Variants in PCDH11Y observed in about 807,000 individuals in gnomAD.
PCDH11Y encodes the protein protocadherin-11 Y-linked.
For synonymous variants in PCDH11Y, 9 were observed against 83.6 expected, an observed-to-expected ratio of 0.11 and a Z score of 4.87; for missense variants, 12 against 224.8, an observed-to-expected ratio of 0.05 and a Z score of 6.05.
intron 3 of PCDH11Y, among the ~76,000 whole-genome samples, chrY:5,503,312 T>C: frequency 3.1e-5 from 1 of 32,665 alleles, no homozygotes; most frequent in African/African-American, 1.2e-4. Context: ...GCTCAATCGA[T>C]TTTATTTTAA....
intron 2 of PCDH11Y, among the ~76,000 whole-genome samples, chrY:5,356,601 G>C (rs1255257567): frequency 9.4e-5 from 3 of 32,076 alleles, no homozygotes; most frequent in Admixed American, 2.9e-4. Context: ...TTGTGGCCGG[G>C]GGTAGTGGCT....
At chrY:5,256,296 G>A (rs2124657508) in intron 2 of PCDH11Y, among the ~76,000 whole-genome samples, 2 of 32,521 alleles carry the variant, frequency 6.1e-5, no homozygotes, top group South Asian at 7.2e-4. Flanking sequence ...TTACTGAAGC[G>A]ACTGTCTTTG....
chrY:5,186,870 C>A, intron 2 of PCDH11Y, among the ~76,000 whole-genome samples: 1 of 32,186 alleles, frequency 3.1e-5, no homozygotes, highest in African/African-American at 1.2e-4. Context: ...TGAGACAAGG[C>A]AAGCCCCTTC....
chrY:5,688,791 C>T, intron 4 of PCDH11Y, among the ~76,000 whole-genome samples: 1 of 32,860 alleles, frequency 3.0e-5, no homozygotes, highest in Non-Finnish European at 7.5e-5. Context: ...AACATTATAC[C>T]ATGAGCTCTT....
At chrY:5,158,220 A>T in intron 2 of PCDH11Y, among the ~76,000 whole-genome samples, 1 of 30,245 alleles carries the variant, frequency 3.3e-5, no homozygotes, top group African/African-American at 1.3e-4. Flanking sequence ...GGAACCATCA[A>T]ATTGTTGTTG....
chrY:5,213,945 C>G, intron 2 of PCDH11Y, among the ~76,000 whole-genome samples: 1 of 32,070 alleles, frequency 3.1e-5, no homozygotes, highest in South Asian at 7.4e-4. Flanking sequence ...TGGTGAAACC[C>G]CGCCTCTGAC....
intron 2 of PCDH11Y, among the ~76,000 whole-genome samples, chrY:5,263,060 C>T (rs34119392): frequency 3.0e-5 from 1 of 33,770 alleles, no homozygotes; most frequent in South Asian, 6.6e-4. Context: ...TCAAGAATTG[C>T]GGTTTGGGAA....
At chrY:5,163,497 A>C (rs2052876468) in intron 2 of PCDH11Y, among the ~76,000 whole-genome samples, 4 of 33,037 alleles carry the variant, frequency 1.2e-4, no homozygotes, top group African/African-American at 4.7e-4. Flanking sequence ...GCCTAAACCT[A>C]ATACTGAAAT....
At chrY:5,101,764 ATT>A, downstream of PCDH11Y, among the ~76,000 whole-genome samples, 1 of 33,577 alleles carries the variant, frequency 3.0e-5, no homozygotes, top group Non-Finnish European at 7.4e-5. Context: ...TTAAAAAAGT[ATT>A]AATCTTAGTT....
intron 4 of PCDH11Y, among the ~76,000 whole-genome samples, chrY:5,629,354 T>C: frequency 3.0e-5 from 1 of 33,536 alleles, no homozygotes; most frequent in Non-Finnish European, 7.4e-5. Context: ...GAGGACAACA[T>C]TGAAATGTAA....
At chrY:5,048,750 GT>G (rs2052646680) in intron 3 of PCDH11Y, among the ~76,000 whole-genome samples, 1 of 32,538 alleles carries the variant, frequency 3.1e-5, no homozygotes, top group African/African-American at 1.2e-4. Context: ...TCATGGGGTT[GT>G]TTTTTTCTTG....
intron 2 of PCDH11Y, among the ~76,000 whole-genome samples, chrY:5,468,554 T>G: frequency 3.1e-5 from 1 of 31,993 alleles, no homozygotes; most frequent in Non-Finnish European, 7.6e-5. Context: ...AGCAGGTGGC[T>G]GAGGATGGAG....
chrY:5,215,484 G>C, intron 2 of PCDH11Y, among the ~76,000 whole-genome samples: 1 of 25,834 alleles, frequency 3.9e-5, no homozygotes, highest in Non-Finnish European at 8.9e-5. Flanking sequence ...TGGTGGGGAG[G>C]AAGAAGGGCA....
chrY:5,191,426 G>T (rs2052912366), intron 2 of PCDH11Y, among the ~76,000 whole-genome samples: 2 of 32,726 alleles, frequency 6.1e-5, no homozygotes, highest in Non-Finnish European at 1.5e-4. Context: ...TAAAAAAAAA[G>T]AATAGTTTGT....
intron 2 of PCDH11Y, among the ~76,000 whole-genome samples, chrY:5,360,102 A>G: frequency 3.1e-5 from 1 of 32,739 alleles, no homozygotes; most frequent in Middle Eastern, 0.015. Flanking sequence ...ACTACATTTC[A>G]TTAATATTCT....
At chrY:5,393,549 C>T (rs1602918345) in intron 2 of PCDH11Y, among the ~76,000 whole-genome samples, 1 of 25,370 alleles carries the variant, frequency 3.9e-5, no homozygotes, top group East Asian at 9.9e-4. Flanking sequence ...TAGCAAGGTG[C>T]GGTGGTGCTT....
intron 1 of PCDH11Y, among the ~76,000 whole-genome samples, chrY:5,030,096 G>C: frequency 3.1e-5 from 1 of 32,259 alleles, no homozygotes; most frequent in South Asian, 6.9e-4. Flanking sequence ...AAATGTAATA[G>C]TGGCTGAAGT....
intron 2 of PCDH11Y, among the ~76,000 whole-genome samples, chrY:5,446,567 G>A: frequency 3.0e-5 from 1 of 33,268 alleles, no homozygotes; most frequent in Non-Finnish European, 7.4e-5. Flanking sequence ...GTGCATTCAC[G>A]TGCATGCCTC....
chrY:5,633,014 A>G, intron 4 of PCDH11Y, among the ~76,000 whole-genome samples: 1 of 32,601 alleles, frequency 3.1e-5, no homozygotes, highest in Non-Finnish European at 7.5e-5. Flanking sequence ...AACCATCACA[A>G]TGACCCAATT....
Sources: gnomAD v4.1 joint callset for allele counts (sites outside exome capture counted in the v4.1 genomes callset) on GRCh38, gnomAD v4.1.1 for gene constraint, MANE v1.5 for transcripts, NCBI Gene and HGNC (gene_info 2026-07-23, HGNC 2026-07-21) for gene names.